The following PVT1 variants were observed in gnomAD, a reference collection of about 807,000 sequenced individuals.
PVT1 encodes the protein Pvt1 oncogene.
intron 3 of PVT1, among the ~76,000 whole-genome samples, chr8:127,942,413 C>T (rs1816364330): frequency 6.6e-6 from 1 of 152,184 alleles, no homozygotes; most frequent in African/African-American, 2.4e-5. Context: ...AAGGCTTCTC[C>T]TGCAGGCAAC....
intron 4 of PVT1, among the ~76,000 whole-genome samples, chr8:128,034,933 T>C (rs1813443345): frequency 1.3e-5 from 2 of 152,242 alleles, no homozygotes; most frequent in South Asian, 4.1e-4. Context: ...ACACTTGCTT[T>C]GCCTGATTTG....
intron 5 of PVT1, among the ~76,000 whole-genome samples, chr8:128,093,499 G>A (rs1335934307): frequency 6.6e-6 from 1 of 152,144 alleles, no homozygotes; most frequent in East Asian, 1.9e-4. Flanking sequence ...GGAGGTTGCA[G>A]TGAACTGAGA....
At chr8:127,990,181 C>G (rs1159277172) in intron 4 of PVT1, among the ~76,000 whole-genome samples, 1 of 152,154 alleles carries the variant, frequency 6.6e-6, no homozygotes, top group Non-Finnish European at 1.5e-5. Context: ...CAGCCCCTTA[C>G]CCAAAGCAGA....
chr8:127,876,692 C>T (rs1815409282), intron 2 of PVT1, among the ~76,000 whole-genome samples: 1 of 152,160 alleles, frequency 6.6e-6, no homozygotes, highest in African/African-American at 2.4e-5. Context: ...AGGAGGGAAC[C>T]ATGTCAGCTC....
chr8:128,009,643 C>T (rs1388397630), intron 4 of PVT1: 1 of 152,022 alleles, frequency 6.6e-6, no homozygotes, highest in Non-Finnish European at 1.5e-5. Flanking sequence ...CTTGATATAC[C>T]CAATAAAAGC....
intron 2 of PVT1, among the ~76,000 whole-genome samples, chr8:127,866,632 T>C (rs1203025379): frequency 1.3e-5 from 2 of 152,116 alleles, no homozygotes; most frequent in African/African-American, 4.8e-5. Flanking sequence ...AGGAACCTGC[T>C]ATCTGGTGGG....
At chr8:127,878,192 AC>A (rs1294688454) in intron 2 of PVT1, among the ~76,000 whole-genome samples, 1 of 151,972 alleles carries the variant, frequency 6.6e-6, no homozygotes, top group African/African-American at 2.4e-5. Context: ...GAAAAAAAAA[AC>A]CCCACAAATT....
intron 4 of PVT1, among the ~76,000 whole-genome samples, chr8:128,038,715 C>T (rs1410019595): frequency 2.0e-5 from 3 of 152,126 alleles, no homozygotes; most frequent in Non-Finnish European, 2.9e-5. Context: ...ATATGCTCTG[C>T]AGTAGGCTGT....
At chr8:127,820,089 C>T (rs924367950) in intron 2 of PVT1, among the ~76,000 whole-genome samples, 1 of 152,186 alleles carries the variant, frequency 6.6e-6, no homozygotes, top group African/African-American at 2.4e-5. Context: ...GCTTGGGATG[C>T]ATCTGCTGAG....
At chr8:127,978,158 CT>C (rs11343602) in intron 3 of PVT1, among the ~76,000 whole-genome samples, 110,020 of 151,336 alleles carry the variant, frequency 0.73, 40,194 homozygotes, top group South Asian at 0.88. Flanking sequence ...TTCTCTTTCT[CT>C]TTTTTTTTAA....
chr8:128,067,069 G>A (rs555892782), intron 4 of PVT1, among the ~76,000 whole-genome samples: 1 of 152,212 alleles, frequency 6.6e-6, no homozygotes, highest in Non-Finnish European at 1.5e-5. Flanking sequence ...CAGCCACAGT[G>A]ACCCTGCTCT....
chr8:127,923,562 C>T (rs1185441979), intron 3 of PVT1, among the ~76,000 whole-genome samples: 1 of 152,166 alleles, frequency 6.6e-6, no homozygotes, highest in Non-Finnish European at 1.5e-5. Flanking sequence ...CTTCTATTGG[C>T]AGAGGGTTCA....
At chr8:127,796,196 AT>A in intron 2 of PVT1, 1 of 159,598 alleles carries the variant, frequency 6.3e-6, no homozygotes. Flanking sequence ...TGAGTGCAGA[AT>A]TTTTGCATAA....
chr8:128,019,432 A>G (rs1246196025), intron 4 of PVT1, among the ~76,000 whole-genome samples: 3 of 152,210 alleles, frequency 2.0e-5, no homozygotes, highest in African/African-American at 4.8e-5. Flanking sequence ...AAGAGGAGAA[A>G]CAAAAACCCT....
intron 5 of PVT1, among the ~76,000 whole-genome samples, chr8:128,086,812 A>G (rs944004072): frequency 1.3e-5 from 2 of 152,210 alleles, no homozygotes; most frequent in Non-Finnish European, 2.9e-5. Context: ...TGGCTCCAGC[A>G]TATTGTCCCT....
intron 3 of PVT1, among the ~76,000 whole-genome samples, chr8:127,913,844 G>A (rs915096367): frequency 2.0e-5 from 3 of 151,898 alleles, no homozygotes; most frequent in African/African-American, 7.3e-5. Flanking sequence ...CATGCCCTTT[G>A]CTCTCGCCTG....
intron 2 of PVT1, among the ~76,000 whole-genome samples, chr8:127,821,993 C>G (rs887488232): frequency 6.6e-6 from 1 of 152,154 alleles, no homozygotes. Flanking sequence ...CGAATCCTGG[C>G]TCTACCAGTA....
intron 2 of PVT1, among the ~76,000 whole-genome samples, chr8:127,802,342 C>T (rs568892432): frequency 2.6e-5 from 4 of 152,248 alleles, no homozygotes; most frequent in Admixed American, 2.6e-4. Flanking sequence ...GCCTCCTGGG[C>T]AGCTGGGACC....
intron 5 of PVT1, among the ~76,000 whole-genome samples, chr8:128,093,295 T>C (rs1814383866): frequency 6.6e-6 from 1 of 152,158 alleles, no homozygotes; most frequent in Non-Finnish European, 1.5e-5. Context: ...CAGTGGCTCA[T>C]GCCTATAATG....
Sources: allele counts gnomAD v4.1 joint callset (sites outside exome capture counted in the v4.1 genomes callset), GRCh38; gene constraint gnomAD v4.1.1; transcripts MANE v1.5; gene names NCBI Gene and HGNC (gene_info 2026-07-23, HGNC 2026-07-21).